The following NFYC variants were observed in gnomAD, a reference collection of about 807,000 sequenced individuals.
The protein encoded by NFYC is CAAT box DNA-binding protein subunit C.
A neutral mutation model predicts 53.1 loss-of-function variants in NFYC; 25 were observed. The observed-to-expected ratio is 0.47, with a 90% confidence interval of 0.34 to 0.66. The LOEUF is 0.66. Among genes scored for constraint, NFYC ranks in the 30% least tolerant of loss-of-function variants. The pLI is 0.01. For synonymous variants in NFYC, 145 were observed against 152.6 expected, an observed-to-expected ratio of 0.95 and a Z score of 0.37; for missense variants, 260 against 422.7, an observed-to-expected ratio of 0.62 and a Z score of 3.38.
At chr1:40,691,925 AG>A in intron 1 of NFYC, 58 bp downstream of exon 1, 1 of 334,266 alleles carries the variant, frequency 3.0e-6, no homozygotes, top group Admixed American at 4.1e-5. Flanking sequence ...CGGCGGGGGG[AG>A]GGGCAGCGCT....
In NFYC at chr1:40,691,834, G is replaced by A. The variant is rs1434522014; in HGVS notation, c.-42G>A. On this transcript the variant is annotated 5_prime_UTR_variant, in exon 1 of 10. Transcript: ENST00000447388. ...TGCCCGACTCCGTAGGAGCGCGGGG[G>A]CGGCTCCTGCTCTTCCTGGACTCCT... is the stretch of plus-strand genomic sequence containing the variant. 2 of 435,600 alleles carry A rather than the reference G, an allele frequency of 4.6e-6. No individual in the cohort carries two copies. The highest frequency in any genetic ancestry group is 5.0e-5 in the Admixed American group (2 of 40,200). 27.0% of individuals were successfully genotyped at this position (435,600 alleles called of 1,614,324 possible). A position where few individuals can be genotyped will look rare whatever the true frequency, so the allele number is the denominator to read the frequency against.
At chr1:40,737,842 C>T (rs1645122754) in intron 1 of NFYC, among the ~76,000 whole-genome samples, 1 of 151,944 alleles carries the variant, frequency 6.6e-6, no homozygotes, top group Non-Finnish European at 1.5e-5. Context: ...CATCAGGAGC[C>T]CCAGAGAAAC....
intron 1 of NFYC, among the ~76,000 whole-genome samples, chr1:40,714,790 A>C (rs2148466778): frequency 6.6e-6 from 1 of 152,208 alleles, no homozygotes; most frequent in African/African-American, 2.4e-5. Flanking sequence ...ATTAAAAAAA[A>C]ATTTTGAGGG....
At chr1:40,718,317 C>A (rs61781864) in intron 1 of NFYC, among the ~76,000 whole-genome samples, 1 of 152,192 alleles carries the variant, frequency 6.6e-6, no homozygotes, top group Non-Finnish European at 1.5e-5. Context: ...GAAGGCAGAG[C>A]CTAGTGACAA....
At position 40,751,639 on chromosome 1, in the gene NFYC, C is replaced by G. The variant is rs988998391; in HGVS notation, c.292-1512C>G. 1.9e-4 allele frequency among the ~76,000 whole-genome samples: 29 copies of G among 152,112 alleles called. 1 individual carries two copies. The highest frequency in any genetic ancestry group is 4.4e-5 in the Non-Finnish European group (3 of 68,034). ...GTTGCCCAGAGCTGGTCTTGAAACTCCTGGCTCAAGCGATCCTCCTGCCTC... is the reference window on the plus strand; with the variant it reads ...GTTGCCCAGAGCTGGTCTTGAAACTGCTGGCTCAAGCGATCCTCCTGCCTC... On this transcript the variant is annotated intron_variant, in intron 4 of 9. Coordinates refer to ENST00000447388, the MANE Select transcript of NFYC (RefSeq NM_014223.5).
chr1:40,737,415 G>C (rs1052813147), intron 1 of NFYC, among the ~76,000 whole-genome samples: 2 of 150,292 alleles, frequency 1.3e-5, no homozygotes, highest in Non-Finnish European at 3.0e-5. Context: ...TGCAACCTCT[G>C]CCTCCTGGGT....
At chr1:40,766,766 A>G in intron 8 of NFYC, 63 bp downstream of exon 8, 1 of 1,543,758 alleles carries the variant, frequency 6.5e-7, no homozygotes, top group South Asian at 1.1e-5. Flanking sequence ...TCTGACAGGA[A>G]AGGAGCGCTC....
At chr1:40,766,740 C>A (rs1369747505) in intron 8 of NFYC, 37 bp downstream of exon 8, 1 of 1,584,784 alleles carries the variant, frequency 6.3e-7, no homozygotes, top group Non-Finnish European at 8.7e-7. Flanking sequence ...GTGTTGGAGA[C>A]CAGGAGCAGA....
intron 5 of NFYC, among the ~76,000 whole-genome samples, chr1:40,754,098 TCTG>T (rs1646072186): frequency 6.6e-6 from 1 of 152,096 alleles, no homozygotes; most frequent in Non-Finnish European, 1.5e-5. Flanking sequence ...TGTGCCTTGT[TCTG>T]CTTGCTTTGT....
intron 1 of NFYC, among the ~76,000 whole-genome samples, chr1:40,731,987 GT>G (rs1202696622): frequency 6.6e-6 from 1 of 152,216 alleles, no homozygotes; most frequent in East Asian, 1.9e-4. Context: ...TTAAGTTGCG[GT>G]TTCCAAGAGC....
chr1:40,742,073 A>T (rs1376620729), intron 2 of NFYC, among the ~76,000 whole-genome samples: 1 of 146,340 alleles, frequency 6.8e-6, no homozygotes, highest in Non-Finnish European at 1.5e-5. Context: ...CTGGCTAATT[A>T]AAAAAAAAAA....
intron 1 of NFYC, among the ~76,000 whole-genome samples, chr1:40,730,997 T>G (rs1284672441): frequency 6.6e-6 from 1 of 152,200 alleles, no homozygotes; most frequent in Non-Finnish European, 1.5e-5. Context: ...TACTCTGCTT[T>G]CTTCTTGCAT....
intron 1 of NFYC, among the ~76,000 whole-genome samples, chr1:40,694,332 T>A: frequency 6.6e-6 from 1 of 152,216 alleles, no homozygotes; most frequent in East Asian, 1.9e-4. Context: ...ATATTTGCAG[T>A]TCCAATTTTG....
intron 1 of NFYC, among the ~76,000 whole-genome samples, chr1:40,715,320 T>C (rs1008394714): frequency 5.3e-5 from 8 of 151,598 alleles, no homozygotes; most frequent in Non-Finnish European, 1.2e-4. Context: ...AACTGGGAGG[T>C]TGCAGTGAGC....
intron 5 of NFYC, among the ~76,000 whole-genome samples, chr1:40,756,891 G>A (rs1245142005): frequency 6.6e-6 from 1 of 152,200 alleles, no homozygotes; most frequent in African/African-American, 2.4e-5. Flanking sequence ...CATTTTAGTA[G>A]AACAGACAGT....
chr1:40,764,235 A>T (rs1392640353), intron 7 of NFYC, among the ~76,000 whole-genome samples: 1 of 152,236 alleles, frequency 6.6e-6, no homozygotes, highest in African/African-American at 2.4e-5. Flanking sequence ...AAACGTAGGC[A>T]GGTATAGAAA....
chr1:40,748,326 A>G (rs909000923), intron 3 of NFYC, among the ~76,000 whole-genome samples: 2 of 151,512 alleles, frequency 1.3e-5, no homozygotes, highest in African/African-American at 4.9e-5. Flanking sequence ...GGAGTGGGGG[A>G]CAGGATCTCA....
intron 1 of NFYC, among the ~76,000 whole-genome samples, chr1:40,698,541 C>T (rs1462558504): frequency 4.0e-5 from 6 of 151,510 alleles, no homozygotes; most frequent in Non-Finnish European, 7.4e-5. Flanking sequence ...ATTCTCCTGC[C>T]TCAGCCTCCT....
intron 1 of NFYC, among the ~76,000 whole-genome samples, chr1:40,704,890 G>T (rs935766656): frequency 6.6e-6 from 1 of 152,196 alleles, no homozygotes; most frequent in Non-Finnish European, 1.5e-5. Context: ...CAGGCCTGCA[G>T]AATATGCTAG....
Sources: gnomAD v4.1 joint callset for allele counts (sites outside exome capture counted in the v4.1 genomes callset) on GRCh38, gnomAD v4.1.1 for gene constraint, MANE v1.5 for transcripts, NCBI Gene and HGNC (gene_info 2026-07-23, HGNC 2026-07-21) for gene names.